The following HEMK2 variants were observed in gnomAD, a reference collection of about 807,000 sequenced individuals.
HEMK2 encodes HemK methyltransferase 2, ETF1 glutamine and histone H4 lysine.
At chr21:28,819,186 T>C in the HEMK2 span, among the ~76,000 whole-genome samples, 1 of 151,996 alleles carries the variant, frequency 6.6e-6, no homozygotes. Context: ...TAAAACTAGA[T>C]GGGTATTGTT....
chr21:28,676,287 T>A, the HEMK2 span, among the ~76,000 whole-genome samples: 2 of 152,346 alleles, frequency 1.3e-5, no homozygotes, highest in African/African-American at 4.8e-5. Context: ...TGTCTACACA[T>A]GGTAGTCCCT....
chr21:28,861,094 A>G, the HEMK2 span, among the ~76,000 whole-genome samples: 10 of 152,318 alleles, frequency 6.6e-5, no homozygotes, highest in Middle Eastern at 6.8e-3. Context: ...TGCGAAACAG[A>G]TTCGTGAAGG....
At chr21:28,865,995 T>C in the HEMK2 span, among the ~76,000 whole-genome samples, 2 of 151,364 alleles carry the variant, frequency 1.3e-5, no homozygotes, top group Admixed American at 6.6e-5. Flanking sequence ...TGTCCTTTTA[T>C]TGGCCAATAA....
the HEMK2 span, among the ~76,000 whole-genome samples, chr21:28,828,019 C>G: frequency 6.6e-6 from 1 of 152,144 alleles, no homozygotes; most frequent in Non-Finnish European, 1.5e-5. Context: ...TGTAGAGTAT[C>G]AGGTAACTTA....
the HEMK2 span, among the ~76,000 whole-genome samples, chr21:28,815,210 T>C: frequency 9.0e-6 from 1 of 111,646 alleles, no homozygotes; most frequent in Non-Finnish European, 1.7e-5. Context: ...AAGGGGAACA[T>C]CATACACTGG....
the HEMK2 span, among the ~76,000 whole-genome samples, chr21:28,583,646 G>A: frequency 3.3e-5 from 5 of 152,138 alleles, no homozygotes; most frequent in Non-Finnish European, 7.4e-5. Flanking sequence ...TGATTTCAGA[G>A]AACATGTCTA....
At chr21:28,714,730 C>A in the HEMK2 span, among the ~76,000 whole-genome samples, 1 of 152,144 alleles carries the variant, frequency 6.6e-6, no homozygotes, top group African/African-American at 2.4e-5. Flanking sequence ...GTCTGGGATA[C>A]AAATGATCTC....
At chr21:28,676,010 T>C in the HEMK2 span, among the ~76,000 whole-genome samples, 86 of 152,326 alleles carry the variant, frequency 5.6e-4, no homozygotes, top group African/African-American at 2.0e-3. Flanking sequence ...GAATCCTTCA[T>C]GCTTAACCCC....
chr21:28,651,349 A>T, the HEMK2 span, among the ~76,000 whole-genome samples: 621 of 152,334 alleles, frequency 4.1e-3, 14 homozygotes, highest in East Asian at 0.065. Flanking sequence ...CAGAAGTGTG[A>T]TTTAGAAGAA....
chr21:28,575,782 A>G, the HEMK2 span, among the ~76,000 whole-genome samples: 2 of 152,168 alleles, frequency 1.3e-5, no homozygotes, highest in Non-Finnish European at 1.5e-5. Context: ...ATCTCACTCC[A>G]TACTGCCTCA....
the HEMK2 span, among the ~76,000 whole-genome samples, chr21:28,758,337 A>C: frequency 6.6e-6 from 1 of 152,240 alleles, no homozygotes; most frequent in Non-Finnish European, 1.5e-5. Flanking sequence ...GCGGGACAAA[A>C]AGAGAAAGTC....
chr21:28,617,965 G>C, the HEMK2 span, among the ~76,000 whole-genome samples: 2 of 151,990 alleles, frequency 1.3e-5, no homozygotes, highest in Non-Finnish European at 2.9e-5. Context: ...TTTTTGTACT[G>C]TTTGTAAAGA....
the HEMK2 span, among the ~76,000 whole-genome samples, chr21:28,732,268 T>G: frequency 0.49 from 74,946 of 152,124 alleles, 20,959 homozygotes; most frequent in East Asian, 0.78. Context: ...TTACTTGAAT[T>G]GCTGTATAGT....
chr21:28,763,783 AG>A, the HEMK2 span, among the ~76,000 whole-genome samples: 1 of 152,116 alleles, frequency 6.6e-6, no homozygotes, highest in East Asian at 1.9e-4. Context: ...GGTGCACTTA[AG>A]CAGATGTGAT....
the HEMK2 span, among the ~76,000 whole-genome samples, chr21:28,712,700 C>T: frequency 6.6e-6 from 1 of 152,174 alleles, no homozygotes; most frequent in African/African-American, 2.4e-5. Context: ...AAAGAGCATA[C>T]ATTTCATTCC....
At chr21:28,694,954 G>T in the HEMK2 span, among the ~76,000 whole-genome samples, 14 of 151,240 alleles carry the variant, frequency 9.3e-5, no homozygotes, top group African/African-American at 3.2e-4. Context: ...GCCGAGATGG[G>T]GTCACTGCAC....
chr21:28,695,493 A>C, the HEMK2 span, among the ~76,000 whole-genome samples: 84,550 of 152,012 alleles, frequency 0.56, 26,185 homozygotes, highest in East Asian at 0.84. Flanking sequence ...AAGGTGAATG[A>C]GGAACAAAGT....
chr21:28,682,984 C>T, the HEMK2 span, among the ~76,000 whole-genome samples: 2 of 152,008 alleles, frequency 1.3e-5, no homozygotes, highest in Non-Finnish European at 2.9e-5. Context: ...CAACATGGCA[C>T]ATGTATACAT....
At chr21:28,619,301 T>A in the HEMK2 span, among the ~76,000 whole-genome samples, 1 of 152,206 alleles carries the variant, frequency 6.6e-6, no homozygotes, top group Non-Finnish European at 1.5e-5. Flanking sequence ...CTGCAAAAAT[T>A]AGAGACAGCT....
Sources: allele counts gnomAD v4.1 joint callset (sites outside exome capture counted in the v4.1 genomes callset), GRCh38; gene constraint gnomAD v4.1.1; transcripts MANE v1.5; gene names NCBI Gene and HGNC (gene_info 2026-07-23, HGNC 2026-07-21).